Variants in ROR2 observed in about 807,000 individuals in gnomAD.
ROR2 encodes tyrosine-protein kinase transmembrane receptor ROR2.
In ROR2, 33 loss-of-function variants were observed where a neutral mutation model predicts 74.9. That is an observed-to-expected ratio of 0.44 (90% confidence interval 0.33 to 0.59). ROR2 has a LOEUF of 0.59. ROR2 is among the 20% of genes least tolerant of loss of function. The pLI is 0.02. For synonymous variants in ROR2, 586 were observed against 558.7 expected, an observed-to-expected ratio of 1.05 and a Z score of -0.69; for missense variants, 1,216 against 1,313.8, an observed-to-expected ratio of 0.93 and a Z score of 1.15.
chr9:91,930,355 T>C (rs1240545480), intron 1 of ROR2, among the ~76,000 whole-genome samples: 2 of 152,216 alleles, frequency 1.3e-5, no homozygotes, highest in African/African-American at 4.8e-5. Context: ...TTCCACGCAT[T>C]TACCCTGTTT....
chr9:91,759,453 T>C (rs1366985724), intron 2 of ROR2, among the ~76,000 whole-genome samples: 1 of 152,204 alleles, frequency 6.6e-6, no homozygotes, highest in Non-Finnish European at 1.5e-5. Context: ...AAAATGCTGA[T>C]GACAATTCTT....
chr9:91,866,183 A>ATG (rs1383488149), intron 1 of ROR2, among the ~76,000 whole-genome samples: 6 of 147,138 alleles, frequency 4.1e-5, no homozygotes, highest in South Asian at 2.2e-4. Flanking sequence ...GCAGTGGCGC[A>ATG]ATCTCAGCTC....
chr9:91,768,361 A>G (rs1310802817), intron 2 of ROR2, among the ~76,000 whole-genome samples: 1 of 152,198 alleles, frequency 6.6e-6, no homozygotes, highest in Non-Finnish European at 1.5e-5. Flanking sequence ...CCAAGAAACT[A>G]AAGTTAAGAC....
rs35146225 is a variant in ROR2 at position 91,735,606 on chromosome 9, C to CTTTTTTTT, written c.622+1777_622+1784dup. ...GCACGGTTCCTACTAAGGGCTCTAA[C>CTTTTTTTT]TTTTTTTTTTTTTTTTTTTTTTTTT... is the stretch of plus-strand genomic sequence containing the variant. On this transcript the variant is annotated intron_variant, in intron 5 of 8. Coordinates refer to ENST00000375708, the MANE Select transcript of ROR2 (RefSeq NM_004560.4). Among the ~76,000 whole-genome samples the CTTTTTTTT allele has an allele frequency of 7.8e-4, 62 of 79,008 alleles. 1 individual carries two copies. The highest frequency in any genetic ancestry group is 1.1e-3 in the Admixed American group (6 of 5,660). The allele number at this position is 79,008 out of a possible 152,430, so 51.8% of individuals were successfully genotyped here.
intron 1 of ROR2, among the ~76,000 whole-genome samples, chr9:91,806,879 G>A (rs1311742192): frequency 2.0e-5 from 3 of 152,174 alleles, no homozygotes; most frequent in South Asian, 2.1e-4. Context: ...ATAAGCCATC[G>A]CGCCTGGCCG....
intron 1 of ROR2, among the ~76,000 whole-genome samples, chr9:91,914,977 T>C (rs1227668414): frequency 6.6e-6 from 1 of 152,190 alleles, no homozygotes; most frequent in East Asian, 1.9e-4. Flanking sequence ...CCTGTCAGAA[T>C]ATTTCCATCC....
intron 1 of ROR2, among the ~76,000 whole-genome samples, chr9:91,857,590 T>C (rs1042210687): frequency 5.9e-5 from 9 of 152,124 alleles, no homozygotes; most frequent in African/African-American, 2.2e-4. Context: ...CCTGACTGCG[T>C]CAGGAGTGAG....
In ROR2 at chr9:91,723,827, C is replaced by G; in HGVS notation, c.2667G>C (p.Leu889=). ...SNTSMADRAA[L]LSEGADDTQN... is the part of the protein sequence containing the mutation. ...GTGTGTCATCAGCGCCCTCTGAGAGCAGGGCTGCCCTGTCTGCCATGGATG... is the reference window on the plus strand; with the variant it reads ...GTGTGTCATCAGCGCCCTCTGAGAGGAGGGCTGCCCTGTCTGCCATGGATG... Residue 889 remains leucine, a synonymous_variant, in exon 9 of 9, where the codon CTG becomes CTC. Transcript: ENST00000375708. 6.2e-7 allele frequency: 1 copy of G among 1,614,020 alleles called. No homozygotes were observed. Among genetic ancestry groups the G allele is most frequent in the Non-Finnish European group, 8.5e-7 (1 of 1,180,040 alleles).
chr9:91,778,426 A>G (rs968959027), intron 1 of ROR2, among the ~76,000 whole-genome samples: 6 of 152,122 alleles, frequency 3.9e-5, no homozygotes, highest in African/African-American at 1.4e-4. Flanking sequence ...GTCATTCTTT[A>G]CATAAAGGCC....
At chr9:91,763,330 G>A (rs2118878205) in intron 2 of ROR2, among the ~76,000 whole-genome samples, 2 of 152,298 alleles carry the variant, frequency 1.3e-5, no homozygotes, top group Middle Eastern at 6.8e-3. Context: ...TAAAATGAAA[G>A]TTGGAAGGGG....
chr9:91,749,565 G>T (rs1354398501), intron 4 of ROR2, among the ~76,000 whole-genome samples: 1 of 152,198 alleles, frequency 6.6e-6, no homozygotes, highest in Non-Finnish European at 1.5e-5. Context: ...GTAGAGGAGG[G>T]TATGTTTCCC....
intron 2 of ROR2, among the ~76,000 whole-genome samples, chr9:91,774,913 T>C (rs1338771720): frequency 6.6e-6 from 1 of 152,228 alleles, no homozygotes; most frequent in Non-Finnish European, 1.5e-5. Context: ...AAGAACCGCC[T>C]ATAGGACTAT....
intron 1 of ROR2, among the ~76,000 whole-genome samples, chr9:91,899,053 G>A (rs1174348130): frequency 6.6e-6 from 1 of 152,184 alleles, no homozygotes; most frequent in Non-Finnish European, 1.5e-5. Context: ...GCTTCAGCAC[G>A]TGTGTCAGGA....
At chr9:91,749,853 G>A (rs987476526) in intron 4 of ROR2, among the ~76,000 whole-genome samples, 1 of 152,084 alleles carries the variant, frequency 6.6e-6, no homozygotes, top group Non-Finnish European at 1.5e-5. Context: ...CTATGTAAAG[G>A]CATATACCTA....
chr9:91,821,415 C>T (rs1249578326), intron 1 of ROR2, among the ~76,000 whole-genome samples: 3 of 152,172 alleles, frequency 2.0e-5, no homozygotes, highest in African/African-American at 7.2e-5. Flanking sequence ...ACCATGGAAC[C>T]ACCATTCTGC....
intron 7 of ROR2, among the ~76,000 whole-genome samples, chr9:91,730,439 A>G (rs530737028): frequency 2.8e-4 from 43 of 152,292 alleles, no homozygotes; most frequent in Admixed American, 7.2e-4. Flanking sequence ...TGTTACTTTC[A>G]TAACAACCAA....
intron 2 of ROR2, among the ~76,000 whole-genome samples, chr9:91,766,448 T>C (rs1033668662): frequency 2.0e-5 from 3 of 152,222 alleles, no homozygotes; most frequent in Admixed American, 6.5e-5. Flanking sequence ...CATCTTTTAC[T>C]AGTATTTTAT....
chr9:91,775,918 C>T lies in ROR2; in HGVS notation c.98-100G>A, dbSNP rs3802378. The T allele has an allele frequency of 0.049, 45,990 of 936,954 alleles. 2,973 individuals are homozygous for T. The highest frequency in any genetic ancestry group is 0.23 in the Admixed American group (11,591 of 50,510). The allele number at this position is 936,954 out of a possible 1,614,324, so 58.0% of individuals were successfully genotyped here. A position where few individuals can be genotyped will look rare whatever the true frequency, so the allele number is the denominator to read the frequency against. On this transcript the variant is annotated intron_variant, in intron 1 of 8. Transcript: ENST00000375708. ...GACAACAGCATTCTAGCAAAACTACCCAGTATTTGTAGAAAACACAGAGGG... is the reference window on the plus strand; with the variant it reads ...GACAACAGCATTCTAGCAAAACTACTCAGTATTTGTAGAAAACACAGAGGG...
At chr9:91,726,843 T>C (rs1455300262) in intron 7 of ROR2, 100 bp from the exon 8 acceptor site, 2 of 1,098,786 alleles carry the variant, frequency 1.8e-6, no homozygotes, top group Non-Finnish European at 2.7e-6. Context: ...AATCTTCACG[T>C]GCACGTGTGT....
Sources: gnomAD v4.1 joint callset for allele counts (sites outside exome capture counted in the v4.1 genomes callset) on GRCh38, gnomAD v4.1.1 for gene constraint, MANE v1.5 for transcripts, NCBI Gene and HGNC (gene_info 2026-07-23, HGNC 2026-07-21) for gene names.